PRKD2: variants seen among roughly 807,000 people sequenced by gnomAD.
PRKD2 encodes protein kinase D2, also known as serine/threonine-protein kinase D2.
Under a neutral mutation model 86.0 loss-of-function variants are expected in PRKD2, and 22 were observed. That is an observed-to-expected ratio of 0.26 (90% CI 0.18 to 0.37). The LOEUF is 0.37. Ranked by LOEUF, PRKD2 falls within the 10% of genes least tolerant of loss-of-function variation. The probability of loss-of-function intolerance (pLI) is 1.00; values close to 1 mark genes in which losing one functional copy is unlikely to be tolerated. For missense variants in PRKD2, 818 were observed against 1,199.2 expected (o/e 0.68, Z 4.70); for synonymous variants, 509 against 510.9 (o/e 1.00, Z 0.05).
At chr19:46,703,958 A>ACACACAC (rs1555830818) in intron 5 of PRKD2, among the ~76,000 whole-genome samples, 5 of 133,742 alleles carry the variant, frequency 3.7e-5, no homozygotes, top group South Asian at 5.1e-4. Flanking sequence ...AAACAACAAC[A>ACACACAC]ACACACACAC....
At chr19:46,682,494 C>T (rs2053322723) in intron 14 of PRKD2, among the ~76,000 whole-genome samples, 1 of 152,018 alleles carries the variant, frequency 6.6e-6, no homozygotes, top group Admixed American at 6.6e-5. Flanking sequence ...TGCAGACACC[C>T]CAGCCAGGGA....
chr19:46,686,723 G>A (rs964096149), intron 14 of PRKD2, among the ~76,000 whole-genome samples: 2 of 151,188 alleles, frequency 1.3e-5, no homozygotes, highest in Admixed American at 1.3e-4. Flanking sequence ...AGGCCGAGGC[G>A]GGTGGATCAC....
chr19:46,711,110 G>T, intron 2 of PRKD2, 72 bp from the exon 3 acceptor site: 1 of 1,500,468 alleles, frequency 6.7e-7, no homozygotes, highest in East Asian at 2.5e-5. Context: ...CACGTTCCCT[G>T]ATTTCTCACA....
At chr19:46,704,764 G>A in intron 3 of PRKD2, 115 bp from the exon 4 acceptor site, 11 of 1,330,194 alleles carry the variant, frequency 8.3e-6, no homozygotes, top group Non-Finnish European at 1.0e-5. Flanking sequence ...ATCACCCCCC[G>A]CCAGCACGAT....
chr19:46,704,721 C>CT, intron 3 of PRKD2, 72 bp from the exon 4 acceptor site: 2 of 1,517,290 alleles, frequency 1.3e-6, no homozygotes, highest in Non-Finnish European at 1.8e-6. Flanking sequence ...AAGTTGTGCC[C>CT]TTTCCACCCA....
At chr19:46,674,783 T>A (rs368011060) in intron 17 of PRKD2, 48 bp from the exon 18 acceptor site, 129 of 1,554,966 alleles carry the variant, frequency 8.3e-5, no homozygotes, top group Non-Finnish European at 9.6e-5. Flanking sequence ...ATTGGAGCAG[T>A]GCCTGGATAT....
Position 46,701,024 on chromosome 19 carries a change from C to A in PRKD2, c.967+11G>T, listed in dbSNP as rs199865430. ...TTCCCCTTTCTCCCCAGCATCCCCC[C>A]AGCCTCTCACCTCCATTGATAAGGG... On this transcript the variant is annotated intron_variant, in intron 6 of 17. Transcript: ENST00000291281. 5 of 1,614,248 alleles carry A rather than the reference C, an allele frequency of 3.1e-6. No homozygotes were observed. The highest frequency in any genetic ancestry group is 3.4e-6 in the Non-Finnish European group (4 of 1,180,044).
At chr19:46,707,928 C>A (rs2053738984) in intron 3 of PRKD2, among the ~76,000 whole-genome samples, 1 of 152,030 alleles carries the variant, frequency 6.6e-6, no homozygotes, top group Admixed American at 6.5e-5. Flanking sequence ...GAAACCCCGT[C>A]TCTACTAGAA....
At chr19:46,675,523 A>C (rs545333172) in intron 16 of PRKD2, among the ~76,000 whole-genome samples, 60 of 152,166 alleles carry the variant, frequency 3.9e-4, no homozygotes, top group African/African-American at 1.2e-3. Context: ...GGCTCACTGC[A>C]ACCTCCGCCT....
intron 14 of PRKD2, among the ~76,000 whole-genome samples, chr19:46,683,255 C>T (rs796245239): frequency 3.3e-5 from 5 of 151,398 alleles, no homozygotes; most frequent in African/African-American, 7.3e-5. Flanking sequence ...CCACCATGCC[C>T]GGCTAATTTT....
intron 1 of PRKD2, among the ~76,000 whole-genome samples, chr19:46,715,465 C>T (rs1349377635): frequency 6.6e-6 from 1 of 152,234 alleles, no homozygotes; most frequent in East Asian, 1.9e-4. Context: ...GCCCACTATT[C>T]TTTTAACATT....
At chr19:46,698,157 G>A (rs1170530774) in intron 7 of PRKD2, among the ~76,000 whole-genome samples, 1 of 152,006 alleles carries the variant, frequency 6.6e-6, no homozygotes, top group Non-Finnish European at 1.5e-5. Flanking sequence ...GTGACCATTA[G>A]GTGCACGCCA....
Position 46,678,771 on chromosome 19 carries a change from T to C in PRKD2, c.2071-108A>G. On this transcript the variant is annotated intron_variant, in intron 15 of 17. Transcript: ENST00000291281. The surrounding 1 kb of genome is among the most constrained non-coding windows in gnomAD (Gnocchi z 5.7). ...TATTCCAGAGAAAGCTGGATGCTGG[T>C]TTGAATCCAGGCTCCTTGGCTCACT... 1 of 1,344,566 alleles carries C rather than the reference T, an allele frequency of 7.4e-7. No individual in the cohort carries two copies. Among genetic ancestry groups the C allele is most frequent in the Non-Finnish European group, 1.0e-6 (1 of 998,314 alleles). The allele number at this position is 1,344,566 out of a possible 1,614,324, so 83.3% of individuals were successfully genotyped here. A position where few individuals can be genotyped will look rare whatever the true frequency, so the allele number is the denominator to read the frequency against.
chr19:46,708,077 GAC>G (rs1251387490), intron 3 of PRKD2, among the ~76,000 whole-genome samples: 1 of 152,112 alleles, frequency 6.6e-6, no homozygotes, highest in African/African-American at 2.4e-5. Flanking sequence ...CAGCCTGGGT[GAC>G]AGACTGAGAC....
At chr19:46,675,379 C>A (rs2053183504) in intron 16 of PRKD2, among the ~76,000 whole-genome samples, 1 of 152,176 alleles carries the variant, frequency 6.6e-6, no homozygotes. Context: ...TCCCCTATGT[C>A]ACCTTTTTTT....
chr19:46,710,918 A>G lies in PRKD2; in HGVS notation c.500T>C (p.Leu167Pro), dbSNP rs1181150074. 6.6e-7 allele frequency: 1 copy of G among 1,509,842 alleles called. No individual in the cohort carries two copies. Among genetic ancestry groups the G allele is most frequent in the Non-Finnish European group, 8.9e-7 (1 of 1,120,672 alleles). 93.5% of individuals were successfully genotyped at this position (1,509,842 alleles called of 1,614,324 possible). Residue 167 changes from leucine to proline, a missense_variant, in exon 3 of 18, where the codon CTC becomes CCC. Coordinates refer to ENST00000291281, the MANE Select transcript of PRKD2 (RefSeq NM_016457.5). ...CCTTTAGCTCTCACCATCGCACTTGAGGCCCTGGCGCACTAGGCCGAAGAG... is the reference window on the plus strand; with the variant it reads ...CCTTTAGCTCTCACCATCGCACTTGGGGCCCTGGCGCACTAGGCCGAAGAG... ...EMLFGLVRQG[L>P]KCDGCGLNYH...
intron 14 of PRKD2, among the ~76,000 whole-genome samples, chr19:46,688,359 T>C (rs114719840): frequency 0.032 from 4,831 of 152,012 alleles, 224 homozygotes; most frequent in African/African-American, 0.11. Context: ...ATCATTTATT[T>C]TTTATAATAA....
intron 1 of PRKD2, among the ~76,000 whole-genome samples, chr19:46,715,173 T>C (rs1227205770): frequency 1.3e-5 from 2 of 151,964 alleles, no homozygotes; most frequent in East Asian, 3.8e-4. Context: ...AATATTTTAA[T>C]ATTCTAGGAG....
intron 2 of PRKD2, among the ~76,000 whole-genome samples, chr19:46,713,464 G>C (rs1436092120): frequency 6.6e-6 from 1 of 151,974 alleles, no homozygotes; most frequent in African/African-American, 2.4e-5. Flanking sequence ...AGGAAAGGCC[G>C]CACATCACAA....
Sources: gnomAD v4.1 joint callset for allele counts (sites outside exome capture counted in the v4.1 genomes callset) on GRCh38, gnomAD v4.1.1 for gene constraint, Gnocchi (gnomAD v3.1) non-coding constraint, MANE v1.5 for transcripts, NCBI Gene and HGNC (gene_info 2026-07-23, HGNC 2026-07-21) for gene names.